QARS1: variants seen among roughly 807,000 people sequenced by gnomAD.
QARS1 encodes glutaminyl-tRNA synthetase 1.
In QARS1, 79 loss-of-function variants were observed where a neutral mutation model predicts 106.9. The ratio of observed to expected loss-of-function variants is 0.74; its 90% confidence interval spans 0.62 to 0.89. The LOEUF is 0.89. Ranked by LOEUF, QARS1 falls within the 40% of genes least tolerant of loss-of-function variation. The probability of loss-of-function intolerance (pLI) is 0.00; values close to 1 mark genes in which losing one functional copy is unlikely to be tolerated. For synonymous variants in QARS1, 395 were observed against 367.7 expected (o/e 1.07, Z -0.85); for missense variants, 966 against 997.2 (o/e 0.97, Z 0.42).
At chr3:49,102,561 G>C (rs1332122190) in intron 5 of QARS1, 89 bp from the exon 6 acceptor site, 12 of 1,448,664 alleles carry the variant, frequency 8.3e-6, no homozygotes, top group Non-Finnish European at 1.1e-5. Flanking sequence ...AAGGCTTCCT[G>C]GCCTATCTAC....
At chr3:49,103,597 A>G (rs2042499084) in intron 4 of QARS1, 34 bp downstream of exon 4, 1 of 1,604,836 alleles carries the variant, frequency 6.2e-7, no homozygotes, top group African/African-American at 1.3e-5. Flanking sequence ...ATGACCAGAG[A>G]GAACAATATA....
chr3:49,102,507 TA>T, intron 5 of QARS1, 35 bp from the exon 6 acceptor site: 4 of 1,612,014 alleles, frequency 2.5e-6, no homozygotes, highest in Non-Finnish European at 3.4e-6. Context: ...GAGGCAGGAG[TA>T]TCCTCTTTCA....
In QARS1 at chr3:49,099,869, A is replaced by G. The variant is rs976282467; in HGVS notation, c.1296-16T>C. On this transcript the variant is annotated splice_polypyrimidine_tract_variant and intron_variant, in intron 14 of 23. Coordinates refer to ENST00000306125, the MANE Select transcript of QARS1 (RefSeq NM_005051.3). Reference sequence around the variant, plus strand: ...ATAGATGCACCTGTGGGGCATAGGCAGTGGGCCCTACCATCCAGCCCTACT... The same window carrying G: ...ATAGATGCACCTGTGGGGCATAGGCGGTGGGCCCTACCATCCAGCCCTACT... The G allele has an allele frequency of 6.2e-7, 1 of 1,613,916 alleles. No homozygotes were observed. The highest frequency in any genetic ancestry group is 8.5e-7 in the Non-Finnish European group (1 of 1,179,934).
At position 49,099,941 on chromosome 3, in the gene QARS1, C is replaced by T. The variant is rs377586991; in HGVS notation, c.1295+20G>A. ...CGCCCTGCTCGGCAGCCCCACCACC[C>T]CACCCCATTCTACACCCACCATTTG... On this transcript the variant is annotated intron_variant, in intron 14 of 23. Coordinates refer to ENST00000306125, the MANE Select transcript of QARS1 (RefSeq NM_005051.3). The T allele has an allele frequency of 1.2e-5, 19 of 1,614,110 alleles. No individual in the cohort carries two copies. Among genetic ancestry groups the T allele is most frequent in the Non-Finnish European group, 1.5e-5 (18 of 1,180,006 alleles).
intron 21 of QARS1, 41 bp downstream of exon 21, chr3:49,098,312 T>C (rs765374731): frequency 6.2e-7 from 1 of 1,614,208 alleles, no homozygotes; most frequent in South Asian, 1.1e-5. Context: ...GCAGGCAATG[T>C]GCATCTTGTA....
chr3:49,096,303 G>A (rs1005321997), intron 23 of QARS1, among the ~76,000 whole-genome samples: 1 of 152,210 alleles, frequency 6.6e-6, no homozygotes, highest in African/African-American at 2.4e-5. Context: ...ACCACCGTGG[G>A]GGTCCAGGGT....
rs919222859 is a variant in QARS1 at position 49,102,278 on chromosome 3, C to T, written c.571-13G>A. Reference sequence around the variant, plus strand: ...GAGCTTTTGCCACCTGAAAGAAGCCCCAGGTGCTTCAGAAAATGGCATCAA... The same window carrying T: ...GAGCTTTTGCCACCTGAAAGAAGCCTCAGGTGCTTCAGAAAATGGCATCAA... On this transcript the variant is annotated splice_polypyrimidine_tract_variant and intron_variant, in intron 6 of 23. Transcript: ENST00000306125. 1.2e-5 allele frequency: 19 copies of T among 1,614,102 alleles called. No individual in the cohort carries two copies. Among genetic ancestry groups the T allele is most frequent in the Non-Finnish European group, 1.6e-5 (19 of 1,180,052 alleles).
In QARS1 at chr3:49,100,199, C is replaced by G. The variant is rs771554057; in HGVS notation, c.1155G>C (p.Leu385=). 1.2e-6 allele frequency: 2 copies of G among 1,614,238 alleles called. No homozygotes were observed. Among genetic ancestry groups the G allele is most frequent in the Non-Finnish European group, 8.5e-7 (1 of 1,180,042 alleles). ...WRDRPMEESL[L]LFEAMRKGKF... is the part of the protein sequence containing the mutation. ...TCCTCTAGGACCCCACCTCAAAGAG[C>G]AGCAGTGACTCCTCCATGGGACGGT... is the stretch of plus-strand genomic sequence containing the variant. Residue 385 remains leucine (L), a synonymous_variant, in exon 13 of 24, where the codon CTG becomes CTC. Transcript: ENST00000306125.
Position 49,096,026 on chromosome 3 carries a change from A to T in QARS1, c.*3T>A, listed in dbSNP as rs1408533066. 1 of 1,613,720 alleles carries T rather than the reference A, an allele frequency of 6.2e-7. No homozygotes were observed. The highest frequency in any genetic ancestry group is 8.5e-7 in the Non-Finnish European group (1 of 1,179,912). On this transcript the variant is annotated 3_prime_UTR_variant, in exon 24 of 24. Coordinates refer to ENST00000306125, the MANE Select transcript of QARS1 (RefSeq NM_005051.3). The stretch of plus-strand genomic sequence containing the variant: ...AGGATGAGGTAGGTTCAGTGCTTCC[A>T]GCTCACACCTTTCCTGGGTCTTCCT...
intron 3 of QARS1, 70 bp downstream of exon 3, chr3:49,103,793 G>A: frequency 1.9e-6 from 3 of 1,596,248 alleles, no homozygotes; most frequent in Admixed American, 1.7e-5. Flanking sequence ...TCTTCCTGAG[G>A]AGGGAAACTG....
At chr3:49,099,487 A>G (rs754028528) in intron 16 of QARS1, 23 bp downstream of exon 16, 1 of 1,614,014 alleles carries the variant, frequency 6.2e-7, no homozygotes. Flanking sequence ...TTAACCTTTC[A>G]TAAGCCAAAC....
intron 19 of QARS1, 68 bp from the exon 20 acceptor site, chr3:49,098,760 C>T: frequency 6.6e-7 from 1 of 1,505,718 alleles, no homozygotes; most frequent in East Asian, 2.3e-5. Context: ...GCTTCCCTAC[C>T]CCCGTGTCTG....
In QARS1 at chr3:49,098,900, C is replaced by T; in HGVS notation, c.1848G>A (p.Arg616=). ...CACAATTTACCTCCTTGAAGTCAGT[C>T]CTCTCAATGAAGACAATGGGTGCAA... ...VPFAPIVFIE[R]TDFKEEPEPG... The change falls in exon 19 of 24, where the codon AGG becomes AGA. Residue 616 remains arginine (R), a synonymous_variant. Coordinates refer to ENST00000306125, the MANE Select transcript of QARS1 (RefSeq NM_005051.3). The T allele has an allele frequency of 6.2e-7, 1 of 1,613,328 alleles. No homozygotes were observed. Among genetic ancestry groups the T allele is most frequent in the Non-Finnish European group, 8.5e-7 (1 of 1,179,332 alleles).
chr3:49,103,436 A>G, intron 4 of QARS1, 27 bp from the exon 5 acceptor site: 1 of 1,613,890 alleles, frequency 6.2e-7, no homozygotes, highest in Non-Finnish European at 8.5e-7. Flanking sequence ...AAGGAGCTGC[A>G]GAAAGGCAAA....
chr3:49,104,545 G>A (rs1361211083), intron 1 of QARS1, 72 bp downstream of exon 1: 12 of 1,600,856 alleles, frequency 7.5e-6, no homozygotes, highest in Non-Finnish European at 1.0e-5. Flanking sequence ...GGGCAGGTCG[G>A]GATCTGGACC....
intron 23 of QARS1, 24 bp from the exon 24 acceptor site, chr3:49,096,103 G>A: frequency 6.2e-7 from 1 of 1,613,034 alleles, no homozygotes; most frequent in Non-Finnish European, 8.5e-7. Context: ...GGAAAAGGAT[G>A]ACCACCAACC....
intron 23 of QARS1, chr3:49,097,410 C>T (rs929716962): frequency 1.3e-5 from 2 of 151,780 alleles, no homozygotes; most frequent in African/African-American, 4.8e-5. Context: ...GGTGGTAAGC[C>T]CTGACCTCTG....
intron 8 of QARS1, 36 bp from the exon 9 acceptor site, chr3:49,101,741 C>T: frequency 6.2e-7 from 1 of 1,612,550 alleles, no homozygotes; most frequent in East Asian, 2.2e-5. Flanking sequence ...GACCAGGCTG[C>T]AGCCAAAGCC....
chr3:49,104,594 G>A, intron 1 of QARS1, 23 bp downstream of exon 1: 1 of 1,597,882 alleles, frequency 6.3e-7, no homozygotes, highest in Non-Finnish European at 8.6e-7. Flanking sequence ...TGCAAACCAG[G>A]CCGGGGGCAG....
Sources: allele counts gnomAD v4.1 joint callset (sites outside exome capture counted in the v4.1 genomes callset), GRCh38; gene constraint gnomAD v4.1.1; transcripts MANE v1.5; gene names NCBI Gene and HGNC (gene_info 2026-07-23, HGNC 2026-07-21).